The following EP400 variants were observed in gnomAD, a reference collection of about 807,000 sequenced individuals.
The protein encoded by EP400 is E1A-binding protein p400.
A neutral mutation model predicts 354.1 loss-of-function variants in EP400; 105 were observed. The observed-to-expected ratio is 0.30, with a 90% CI of 0.25 to 0.35. The LOEUF (loss-of-function observed/expected upper bound fraction) is 0.35, where lower values mean the gene tolerates loss of function less well. Among genes scored for constraint, EP400 ranks in the 10% least tolerant of loss-of-function variants. The pLI is 1.00. For missense variants in EP400, 3,280 were observed against 4,121.0 expected (o/e 0.80, Z 5.59); for synonymous variants, 1,646 against 1,716.9 (o/e 0.96, Z 1.02).
chr12:132,076,114 A>G, intron 51 of EP400: 1 of 290,488 alleles, frequency 3.4e-6, no homozygotes, highest in South Asian at 3.5e-5. Context: ...TGGCTGCCCT[A>G]GCTGCACTGT....
In EP400 at chr12:132,029,519, A is replaced by G; in HGVS notation, c.5382-182A>G. 1 of 639,538 alleles carries G rather than the reference A, an allele frequency of 1.6e-6. No individual in the cohort carries two copies. Among genetic ancestry groups the G allele is most frequent in the Non-Finnish European group, 2.7e-6 (1 of 369,688 alleles). 39.6% of individuals were successfully genotyped at this position (639,538 alleles called of 1,614,324 possible). On this transcript the variant is annotated intron_variant, in intron 27 of 52. Coordinates refer to ENST00000389561, the MANE Select transcript of EP400 (RefSeq NM_015409.5). The surrounding 1 kb of genome is among the most constrained non-coding windows in gnomAD (Gnocchi z 4.7). ...TGGTGGTTATTGGCCAGGACTGGTT[A>G]GGATCTGCCTCGTTGGGCCCCTGCC...
chr12:131,957,302 G>A (rs1891734681), intron 1 of EP400, among the ~76,000 whole-genome samples: 1 of 151,906 alleles, frequency 6.6e-6, no homozygotes, highest in Non-Finnish European at 1.5e-5. Flanking sequence ...AAGATAATTT[G>A]GTTTTAGATT....
chr12:132,040,853 G>A (rs1413656412), intron 32 of EP400, among the ~76,000 whole-genome samples: 1 of 152,164 alleles, frequency 6.6e-6, no homozygotes, highest in African/African-American at 2.4e-5. Context: ...GTGGCACGGG[G>A]TCTGGCATCA....
At chr12:131,950,169 G>C (rs1418188785) in intron 1 of EP400, 133 bp downstream of exon 1, 1 of 151,916 alleles carries the variant, frequency 6.6e-6, no homozygotes, top group Non-Finnish European at 1.5e-5. Context: ...GTCGCGTGGG[G>C]ACCAGGCCGT....
At chr12:131,952,843 C>T (rs1424952179) in intron 1 of EP400, among the ~76,000 whole-genome samples, 39 of 152,104 alleles carry the variant, frequency 2.6e-4, no homozygotes. Flanking sequence ...GTTTCCAGTT[C>T]TTTGTTTTCC....
At position 132,018,607 on chromosome 12, in the gene EP400, T is replaced by G. The variant is rs1894021874; in HGVS notation, c.4277+231T>G. Among the ~76,000 whole-genome samples, 1 of 152,200 alleles carries G rather than the reference T, an allele frequency of 6.6e-6. No homozygotes were observed. Among genetic ancestry groups the G allele is most frequent in the Non-Finnish European group, 1.5e-5 (1 of 68,040 alleles). On this transcript the variant is annotated intron_variant, in intron 21 of 52. Transcript: ENST00000389561. This position sits in a 1 kb window ranked among gnomAD's most constrained non-coding sequence, Gnocchi z 4.0. The stretch of plus-strand genomic sequence containing the variant: ...TGAGCAGCAACCTCCTTGATCGTCT[T>G]TGCAGCAGTTTTAGGGTAGGGTGGG...
At chr12:131,988,141 G>A (rs1379574609) in intron 7 of EP400, among the ~76,000 whole-genome samples, 1 of 151,954 alleles carries the variant, frequency 6.6e-6, no homozygotes, top group Non-Finnish European at 1.5e-5. Flanking sequence ...TGGAGTGCTG[G>A]GATTGCAGGC....
intron 9 of EP400, 121 bp from the exon 10 acceptor site, chr12:131,991,286 C>G: frequency 1.1e-6 from 1 of 899,752 alleles, no homozygotes; most frequent in Admixed American, 1.8e-5. Context: ...GGAGGCAGAA[C>G]TCACGCGTCC....
Position 132,050,155 on chromosome 12 carries a change from G to A in EP400, c.7201-168G>A, listed in dbSNP as rs938456519. Reference sequence around the variant, plus strand: ...TCGGCCGCGACAGCCACTTAATGCCGCTGCTGTTGGGTTATGCCTGAACTT... The same window carrying A: ...TCGGCCGCGACAGCCACTTAATGCCACTGCTGTTGGGTTATGCCTGAACTT... On this transcript the variant is annotated intron_variant, in intron 39 of 52. Coordinates refer to ENST00000389561, the MANE Select transcript of EP400 (RefSeq NM_015409.5). This position sits in a 1 kb window ranked among gnomAD's most constrained non-coding sequence, Gnocchi z 4.8. Among the ~76,000 whole-genome samples the A allele has an allele frequency of 7.9e-5, 12 of 152,182 alleles. No homozygotes were observed. The highest frequency in any genetic ancestry group is 1.3e-4 in the Admixed American group (2 of 15,286).
chr12:132,056,249 CAA>C (rs1440001575), intron 45 of EP400, among the ~76,000 whole-genome samples: 1 of 152,114 alleles, frequency 6.6e-6, no homozygotes, highest in Non-Finnish European at 1.5e-5. Flanking sequence ...AACGATGCTT[CAA>C]AGTCAGTGCT....
At chr12:132,061,168 G>T (rs190258603) in intron 45 of EP400, among the ~76,000 whole-genome samples, 1 of 152,146 alleles carries the variant, frequency 6.6e-6, no homozygotes, top group Non-Finnish European at 1.5e-5. Flanking sequence ...CACAGATCTC[G>T]TTACTGTTTA....
chr12:132,066,618 G>A (rs1003115660), intron 48 of EP400, 156 bp from the exon 49 acceptor site: 18 of 756,782 alleles, frequency 2.4e-5, no homozygotes, highest in South Asian at 1.2e-4. Flanking sequence ...TCCCTGCGGC[G>A]TGCAGATCTC....
intron 19 of EP400, among the ~76,000 whole-genome samples, chr12:132,016,984 G>C (rs997572998): frequency 1.3e-5 from 2 of 152,178 alleles, no homozygotes; most frequent in Non-Finnish European, 1.5e-5. Flanking sequence ...CTGGTGCACT[G>C]TGCTCACACC....
chr12:132,045,404 G>A lies in EP400; in HGVS notation c.6870G>A (p.Leu2290=), dbSNP rs755477536. ...SLFDRATPGL[L]KIRREGKEQK... ...TTGACCGCGCAACACCAGGACTTCT[G>A]AAAATTCGCAGAGAGGGCAAGGAGC... The change falls in exon 38 of 53, where the codon CTG becomes CTA. Residue 2290 remains leucine (L), a synonymous_variant. Coordinates refer to ENST00000389561, the MANE Select transcript of EP400 (RefSeq NM_015409.5). The A allele has an allele frequency of 1.9e-6, 3 of 1,614,140 alleles. No homozygotes were observed. The African/African-American group carries it at 4.0e-5, about 22-fold the overall frequency.
In EP400 at chr12:132,027,551, A is replaced by G. The variant is rs1003445637; in HGVS notation, c.5109+20A>G. 6.3e-7 allele frequency: 1 copy of G among 1,587,536 alleles called. No homozygotes were observed. Among genetic ancestry groups the G allele is most frequent in the Admixed American group, 1.7e-5 (1 of 57,234 alleles). On this transcript the variant is annotated intron_variant, in intron 26 of 52. Transcript: ENST00000389561. The surrounding 1 kb of genome is among the most constrained non-coding windows in gnomAD (Gnocchi z 4.9). ...ACCCAGGTAAGCACCTGAGCTTGAG[A>G]CCCCGGTGCACGTGGACAGGTAGCT...
rs1488334347 is a variant in EP400 at position 132,069,495 on chromosome 12, A to G, written c.8875A>G (p.Ile2959Val). 1.9e-6 allele frequency: 3 copies of G among 1,614,044 alleles called. No homozygotes were observed. Among genetic ancestry groups the G allele is most frequent in the Non-Finnish European group, 1.7e-6 (2 of 1,179,922 alleles). Residue 2959 changes from isoleucine to valine, a missense_variant and splice_region_variant, in exon 51 of 53, where the codon ATC becomes GTC. By Grantham distance (29) the Ile-to-Val change is conservative. Transcript: ENST00000389561. The part of the protein sequence containing the change: ...AQGPAAVQQK[I>V]TAQQITTPGA... ...CCCTAATTTCGCAGTCTCTCCCCAG[A>G]TCACCGCACAGCAGATCACCACCCC...
At chr12:131,955,790 AC>A (rs1273558116) in intron 1 of EP400, among the ~76,000 whole-genome samples, 4 of 151,974 alleles carry the variant, frequency 2.6e-5, no homozygotes, top group Non-Finnish European at 4.4e-5. Flanking sequence ...GATTACAGGA[AC>A]ATGCAACCAT....
Position 132,020,075 on chromosome 12 carries a change from A to G in EP400, c.4304A>G (p.Gln1435Arg). The change falls in exon 22 of 53, where the codon CAG (glutamine) becomes CGG (arginine). Residue 1435 changes from glutamine to arginine, a missense_variant. Gln to Arg is a conservative substitution (Grantham distance 43). Transcript: ENST00000389561. Reference sequence around the variant, plus strand: ...TTGTTTCAGCCTGTGCAGTATGGCCAGAAGCCCGAGGGTCGCACCGTGGCT... The same window carrying G: ...TTGTTTCAGCCTGTGCAGTATGGCCGGAAGCCCGAGGGTCGCACCGTGGCT... The part of the protein sequence containing the change: ...SRLFQPVQYG[Q>R]KPEGRTVAFP... The G allele has an allele frequency of 1.3e-6, 2 of 1,588,860 alleles. No individual in the cohort carries two copies. The highest frequency in any genetic ancestry group is 8.6e-7 in the Non-Finnish European group (1 of 1,167,208).
At chr12:132,031,003 G>A (rs1894471743) in intron 29 of EP400, among the ~76,000 whole-genome samples, 1 of 152,222 alleles carries the variant, frequency 6.6e-6, no homozygotes, top group African/African-American at 2.4e-5. Context: ...TGTACACGCT[G>A]GAGAGGCCTA....
Sources: gnomAD v4.1 joint callset for allele counts (sites outside exome capture counted in the v4.1 genomes callset) on GRCh38, gnomAD v4.1.1 for gene constraint, Gnocchi (gnomAD v3.1) non-coding constraint, MANE v1.5 for transcripts, NCBI Gene and HGNC (gene_info 2026-07-23, HGNC 2026-07-21) for gene names.